The following SLITRK2 variants were observed in gnomAD, a reference collection of about 807,000 sequenced individuals.
SLITRK2 encodes the protein SLIT and NTRK-like protein 2.
SLITRK2 carries 13 observed loss-of-function variants against 35.4 expected under a neutral mutation model. That is an observed-to-expected ratio of 0.37 (90% CI 0.24 to 0.58). The LOEUF is 0.58. Among genes scored for constraint, SLITRK2 ranks in the 20% least tolerant of loss-of-function variants. The pLI, the probability that SLITRK2 is intolerant of heterozygous loss-of-function variation, is 0.75. For synonymous variants in SLITRK2, 294 were observed against 264.7 expected (o/e 1.11, Z -1.07); for missense variants, 471 against 634.3 (o/e 0.74, Z 2.76).
In SLITRK2 at chrX:145,826,945, G is replaced by A. The variant is rs1395789612; in HGVS notation, c.*1982G>A. The A allele has an allele frequency of 8.9e-6, 1 of 112,065 alleles. No homozygotes were observed. The highest frequency in any genetic ancestry group is 1.9e-5 in the Non-Finnish European group (1 of 53,141). 9.2% of individuals were successfully genotyped at this position (112,065 alleles called of 1,213,427 possible). On this transcript the variant is annotated 3_prime_UTR_variant, in exon 5 of 5. Coordinates refer to ENST00000335565, the MANE Select transcript of SLITRK2 (RefSeq NM_032539.5). ...AAAATAGTTGTTTGTAAAAACAATA[G>A]AAGGTAATTGTGTGTATATAATAAC...
chrX:145,822,865 G>T lies in SLITRK2; in HGVS notation c.440G>T (p.Ser147Ile), dbSNP rs1556943954. 2.5e-6 allele frequency: 3 copies of T among 1,208,706 alleles called. No individual in the cohort carries two copies. The African/African-American group carries it at 5.3e-5, about 21-fold the overall frequency. The stretch of plus-strand genomic sequence containing the variant: ...CTCCAGGCCGACTACAATTACATCA[G>T]TGCCATCGAGGCTGGGGCATTCAGC... Reference protein sequence around the residue: ...EYLQADYNYISAIEAGAFSKL... With the variant: ...EYLQADYNYIIAIEAGAFSKL... The change falls in exon 5 of 5, where the codon AGT becomes ATT. Residue 147 changes from serine (S) to isoleucine (I), a missense_variant. By Grantham distance (142) the Ser-to-Ile change is moderately radical. Coordinates refer to ENST00000335565, the MANE Select transcript of SLITRK2 (RefSeq NM_032539.5).
Position 145,825,169 on chromosome X carries a change from CTTTTTTTTT to C in SLITRK2, c.*220_*228del. 4.6e-6 allele frequency: 1 copy of C among 219,046 alleles called. No homozygotes were observed. Among genetic ancestry groups the C allele is most frequent in the Non-Finnish European group, 7.7e-6 (1 of 130,642 alleles). 18.1% of individuals were successfully genotyped at this position (219,046 alleles called of 1,213,427 possible). A position where few individuals can be genotyped will look rare whatever the true frequency, so the allele number is the denominator to read the frequency against. On this transcript the variant is annotated 3_prime_UTR_variant, in exon 5 of 5. Transcript: ENST00000335565. ...ATTTCTCTCTCGCTCTCCTCCCCTC[CTTTTTTTTT>C]TTTTTTTTTTTTTCTTTTTCCCTTC...
At position 145,824,925 on chromosome X, in the gene SLITRK2, G is replaced by C. The variant is rs1556945391; in HGVS notation, c.2500G>C (p.Glu834Gln). The change falls in exon 5 of 5, where the codon GAA becomes CAA. Residue 834 changes from glutamate to glutamine, a missense_variant. This residue lies in a region of SLITRK2 where 190 missense variants were observed against 199.3 expected (regional missense o/e 0.95). Coordinates refer to ENST00000335565, the MANE Select transcript of SLITRK2 (RefSeq NM_032539.5). The part of the protein sequence containing the change: ...AKPQSEPDYL[E>Q]VLEKQTAISQ... ...GCCGCAATCAGAACCGGACTACCTC[G>C]AAGTTCTGGAAAAACAAACTGCAAT... 1 of 1,208,443 alleles carries C rather than the reference G, an allele frequency of 8.3e-7. No homozygotes were observed. Among genetic ancestry groups the C allele is most frequent in the East Asian group, 3.0e-5 (1 of 33,811 alleles).
rs1173519106 is a variant in SLITRK2, at chrX:145,826,095, C to A, written c.*1132C>A. On this transcript the variant is annotated 3_prime_UTR_variant, in exon 5 of 5. Coordinates refer to ENST00000335565, the MANE Select transcript of SLITRK2 (RefSeq NM_032539.5). ...ACACACCAGTAGAGGCCGCCACACA[C>A]CTCATTTAACAAAGACATATGAGCC... 1.8e-5 allele frequency: 2 copies of A among 111,484 alleles called. No homozygotes were observed. Among genetic ancestry groups the A allele is most frequent in the African/African-American group, 6.5e-5 (2 of 30,700 alleles). 9.2% of individuals were successfully genotyped at this position (111,484 alleles called of 1,213,427 possible). A position where few individuals can be genotyped will look rare whatever the true frequency, so the allele number is the denominator to read the frequency against.
chrX:145,820,512 G>A lies in SLITRK2; in HGVS notation c.-754G>A, dbSNP rs950412826. The A allele has an allele frequency of 2.7e-5, 3 of 112,209 alleles. 1 individual carries two copies. The highest frequency in any genetic ancestry group is 2.8e-4 in the East Asian group (1 of 3,528). The allele number at this position is 112,209 out of a possible 1,213,427, so 9.2% of individuals were successfully genotyped here. A position where few individuals can be genotyped will look rare whatever the true frequency, so the allele number is the denominator to read the frequency against. On this transcript the variant is annotated 5_prime_UTR_variant, in exon 2 of 5. Transcript: ENST00000335565. ...GATCCAGAAGCTAGTGGCACATCTA[G>A]CAACAGAGCCAGATCAGAACCCAGG...
Position 145,827,645 on chromosome X carries a change from A to G in SLITRK2, c.*2682A>G. ...CTCTTGCTTGTTACAGTTATACTTAATTTGCAGTAGATTTTTAAATGAAAT... is the reference window on the plus strand; with the variant it reads ...CTCTTGCTTGTTACAGTTATACTTAGTTTGCAGTAGATTTTTAAATGAAAT... On this transcript the variant is annotated 3_prime_UTR_variant, in exon 5 of 5. Transcript: ENST00000335565. 1 of 1,018,952 alleles carries G rather than the reference A, an allele frequency of 9.8e-7. No individual in the cohort carries two copies. The highest frequency in any genetic ancestry group is 2.4e-5 in the South Asian group (1 of 40,931). The allele number at this position is 1,018,952 out of a possible 1,213,427, so 84.0% of individuals were successfully genotyped here. A position where few individuals can be genotyped will look rare whatever the true frequency, so the allele number is the denominator to read the frequency against.
rs1556945917 is a variant in SLITRK2, at chrX:145,826,368, T to C, written c.*1405T>C. Reference sequence around the variant, plus strand: ...CTATTTGCGTCTCCAAATCGATTAATAGTTACCTAAACCAAGACATTAAGC... The same window carrying C: ...CTATTTGCGTCTCCAAATCGATTAACAGTTACCTAAACCAAGACATTAAGC... On this transcript the variant is annotated 3_prime_UTR_variant, in exon 5 of 5. Transcript: ENST00000335565. 8.9e-6 allele frequency: 1 copy of C among 112,335 alleles called. No homozygotes were observed. Among genetic ancestry groups the C allele is most frequent in the Non-Finnish European group, 1.9e-5 (1 of 53,273 alleles). The allele number at this position is 112,335 out of a possible 1,213,427, so 9.3% of individuals were successfully genotyped here. A position where few individuals can be genotyped will look rare whatever the true frequency, so the allele number is the denominator to read the frequency against.
Position 145,822,482 on chromosome X carries a change from A to G in SLITRK2, c.57A>G (p.Thr19=), listed in dbSNP as rs376723030. The part of the protein sequence containing the change: ...SVLTVAGILQ[T]ESRKTAKDIC... ...TAACCGTGGCCGGGATCTTACAGAC[A>G]GAGAGTCGCAAAACTGCCAAAGACA... Residue 19 remains threonine (T), a synonymous_variant, in exon 5 of 5, where the codon ACA becomes ACG. Transcript: ENST00000335565. 3 of 1,211,015 alleles carry G rather than the reference A, an allele frequency of 2.5e-6. No homozygotes were observed. The highest frequency in any genetic ancestry group is 3.4e-6 in the Non-Finnish European group (3 of 895,023).
intron 2 of SLITRK2, 194 bp from the exon 3 acceptor site, chrX:145,821,154 C>CACAG (rs9306712): frequency 9.1e-6 from 1 of 109,641 alleles, no homozygotes; most frequent in African/African-American, 3.4e-5. Context: ...CACACACACA[C>CACAG]GCTTCTCCCT....
Position 145,826,058 on chromosome X carries a change from T to A in SLITRK2, c.*1095T>A, listed in dbSNP as rs1033222245. On this transcript the variant is annotated 3_prime_UTR_variant, in exon 5 of 5. Transcript: ENST00000335565. ...AATATTTTTTCTGCCTATTGAAACA[T>A]TTTCTATAAACACACACCAGTAGAG... 3 of 111,478 alleles carry A rather than the reference T, an allele frequency of 2.7e-5. No homozygotes were observed. Among genetic ancestry groups the A allele is most frequent in the Non-Finnish European group, 3.8e-5 (2 of 53,117 alleles). 9.2% of individuals were successfully genotyped at this position (111,478 alleles called of 1,213,427 possible). A position where few individuals can be genotyped will look rare whatever the true frequency, so the allele number is the denominator to read the frequency against.
chrX:145,827,685 C>A lies in SLITRK2; in HGVS notation c.*2722C>A. On this transcript the variant is annotated 3_prime_UTR_variant, in exon 5 of 5. Coordinates refer to ENST00000335565, the MANE Select transcript of SLITRK2 (RefSeq NM_032539.5). Reference sequence around the variant, plus strand: ...TTAAATGAAATTATTTGAATGTATTCCAGACTATTTTATTTAAAATCATCA... The same window carrying A: ...TTAAATGAAATTATTTGAATGTATTACAGACTATTTTATTTAAAATCATCA... The A allele has an allele frequency of 1.8e-6, 2 of 1,112,574 alleles. No homozygotes were observed. The highest frequency in any genetic ancestry group is 1.2e-6 in the Non-Finnish European group (1 of 831,091). 91.7% of individuals were successfully genotyped at this position (1,112,574 alleles called of 1,213,427 possible).
rs376893929 is a variant in SLITRK2 at position 145,822,674 on chromosome X, C to G, written c.249C>G (p.Val83=). Residue 83 remains valine (V), a synonymous_variant, in exon 5 of 5, where the codon GTC becomes GTG. Transcript: ENST00000335565. ...LLTRLYPNEF[V]NYSNAVTLHL... ...CAAGACTGTATCCAAACGAATTTGT[C>G]AATTACTCCAACGCGGTGACTCTTC... The G allele has an allele frequency of 3.7e-4, 453 of 1,209,832 alleles. No individual in the cohort carries two copies. The highest frequency in any genetic ancestry group is 2.6e-4 in the Non-Finnish European group (233 of 895,239).
In SLITRK2 at chrX:145,828,161, T is replaced by C; in HGVS notation, c.*3198T>C. ...CTAAGAGCCTAATTTGGTTCTGGAC[T>C]ATGGTCAACCTGTGTGCCTTGTTAG... On this transcript the variant is annotated 3_prime_UTR_variant, in exon 5 of 5. Transcript: ENST00000335565. 2.0e-6 allele frequency: 1 copy of C among 503,435 alleles called. No individual in the cohort carries two copies. The highest frequency in any genetic ancestry group is 3.1e-6 in the Non-Finnish European group (1 of 318,362). 41.5% of individuals were successfully genotyped at this position (503,435 alleles called of 1,213,427 possible). A position where few individuals can be genotyped will look rare whatever the true frequency, so the allele number is the denominator to read the frequency against.
chrX:145,828,033 A>G lies in SLITRK2; in HGVS notation c.*3070A>G. On this transcript the variant is annotated 3_prime_UTR_variant, in exon 5 of 5. Coordinates refer to ENST00000335565, the MANE Select transcript of SLITRK2 (RefSeq NM_032539.5). Reference sequence around the variant, plus strand: ...AAATGACAAATGGTAATTCCCTTCTATTTTAGCTCTTAATTAGTTGCTTTC... The same window carrying G: ...AAATGACAAATGGTAATTCCCTTCTGTTTTAGCTCTTAATTAGTTGCTTTC... The G allele has an allele frequency of 8.9e-7, 1 of 1,123,294 alleles. No individual in the cohort carries two copies. The highest frequency in any genetic ancestry group is 2.2e-5 in the South Asian group (1 of 45,162). 92.6% of individuals were successfully genotyped at this position (1,123,294 alleles called of 1,213,427 possible).
At position 145,827,608 on chromosome X, in the gene SLITRK2, T is replaced by C. The variant is rs1373156605; in HGVS notation, c.*2645T>C. 19 of 936,279 alleles carry C rather than the reference T, an allele frequency of 2.0e-5. No individual in the cohort carries two copies. In the East Asian group the frequency reaches 6.3e-4, roughly 31 times the overall value. The allele number at this position is 936,279 out of a possible 1,213,427, so 77.2% of individuals were successfully genotyped here. Reference sequence around the variant, plus strand: ...ACTCTGTTGCCTAATAATTATGGTTTAATTCTATATCCTCTTGCTTGTTAC... The same window carrying C: ...ACTCTGTTGCCTAATAATTATGGTTCAATTCTATATCCTCTTGCTTGTTAC... On this transcript the variant is annotated 3_prime_UTR_variant, in exon 5 of 5. Transcript: ENST00000335565.
Position 145,824,364 on chromosome X carries a change from C to G in SLITRK2, c.1939C>G (p.Arg647Gly). The change falls in exon 5 of 5, where the codon CGA (arginine) becomes GGA (glycine). Residue 647 changes from arginine (R) to glycine (G), a missense_variant. This residue lies in a region of SLITRK2 where 190 missense variants were observed against 199.3 expected (regional missense o/e 0.95). Coordinates refer to ENST00000335565, the MANE Select transcript of SLITRK2 (RefSeq NM_032539.5). ...AGLFVFVLKR[R>G]KGVPSVPRNT... ...TTTATTCGTCTTTGTCTTGAAACGCCGAAAGGGAGTGCCGAGCGTTCCCAG... is the reference window on the plus strand; with the variant it reads ...TTTATTCGTCTTTGTCTTGAAACGCGGAAAGGGAGTGCCGAGCGTTCCCAG... The G allele has an allele frequency of 8.3e-7, 1 of 1,211,003 alleles. No individual in the cohort carries two copies. Among genetic ancestry groups the G allele is most frequent in the Non-Finnish European group, 1.1e-6 (1 of 895,335 alleles).
chrX:145,824,936 A>G lies in SLITRK2; in HGVS notation c.2511A>G (p.Glu837=). The part of the protein sequence containing the change: ...QSEPDYLEVL[E]KQTAISQL ...AACCGGACTACCTCGAAGTTCTGGA[A>G]AAACAAACTGCAATCAGTCAGCTGT... Residue 837 remains glutamate, a synonymous_variant, in exon 5 of 5, where the codon GAA becomes GAG. Transcript: ENST00000335565. 1 of 1,209,999 alleles carries G rather than the reference A, an allele frequency of 8.3e-7. No homozygotes were observed. Among genetic ancestry groups the G allele is most frequent in the Non-Finnish European group, 1.1e-6 (1 of 894,873 alleles).
Position 145,827,680 on chromosome X carries a change from G to C in SLITRK2, c.*2717G>C. On this transcript the variant is annotated 3_prime_UTR_variant, in exon 5 of 5. Transcript: ENST00000335565. The stretch of plus-strand genomic sequence containing the variant: ...GATTTTTAAATGAAATTATTTGAAT[G>C]TATTCCAGACTATTTTATTTAAAAT... The C allele has an allele frequency of 9.1e-7, 1 of 1,095,788 alleles. No individual in the cohort carries two copies. The highest frequency in any genetic ancestry group is 1.8e-5 in the African/African-American group (1 of 54,076). 90.3% of individuals were successfully genotyped at this position (1,095,788 alleles called of 1,213,427 possible). A position where few individuals can be genotyped will look rare whatever the true frequency, so the allele number is the denominator to read the frequency against.
rs868958000 is a variant in SLITRK2, at chrX:145,822,531, G to A, written c.106G>A (p.Glu36Lys). 1 of 1,211,542 alleles carries A rather than the reference G, an allele frequency of 8.3e-7. No individual in the cohort carries two copies. The stretch of plus-strand genomic sequence containing the variant: ...CATTTGCAAGATCCGCTGTCTGTGC[G>A]AAGAAAAGGAAAACGTACTGAATAT... Reference protein sequence around the residue: ...KDICKIRCLCEEKENVLNINC... With the variant: ...KDICKIRCLCKEKENVLNINC... Residue 36 changes from glutamate to lysine, a missense_variant, in exon 5 of 5, where the codon GAA (glutamate) becomes AAA (lysine). Physicochemically the swap from Glu to Lys is moderately conservative, Grantham distance 56 (BLOSUM62 1). Coordinates refer to ENST00000335565, the MANE Select transcript of SLITRK2 (RefSeq NM_032539.5).
Sources: allele counts gnomAD v4.1 joint callset, GRCh38; gene constraint gnomAD v4.1.1; regional missense constraint gnomAD v4.1.1; transcripts MANE v1.5; gene names NCBI Gene and HGNC (gene_info 2026-07-23, HGNC 2026-07-21).